The following ZNF772 variants were observed in gnomAD, a reference collection of about 807,000 sequenced individuals.
ZNF772 encodes the protein zinc finger protein 772.
Under a neutral mutation model 11.0 loss-of-function variants are expected in ZNF772, and 8 were observed. The observed-to-expected ratio is 0.73, with a 90% CI of 0.43 to 1.31. ZNF772 has a LOEUF of 1.31. ZNF772 is among the 50% of genes most tolerant of loss of function. The pLI is 0.01. For missense variants in ZNF772, 496 were observed against 552.3 expected, an observed-to-expected ratio of 0.90 and a Z score of 1.02; for synonymous variants, 155 against 180.4, an observed-to-expected ratio of 0.86 and a Z score of 1.13.
Position 57,473,299 on chromosome 19 carries a change from T to C in ZNF772, c.1322A>G (p.Lys441Arg). Residue 441 changes from lysine (K) to arginine (R), a missense_variant, in exon 4 of 4, where the codon AAA (lysine) becomes AGA (arginine). Physicochemically the swap from Lys to Arg is conservative, Grantham distance 26. Transcript: ENST00000356584. The stretch of plus-strand genomic sequence containing the variant: ...CTAAGGCCTTTCTCCAGTGTGAATT[T>C]TCCAGTGGCGGATGAGGGAAGCCCT... ...RQRASLIRHW[K>R]IHTGERP is the part of the protein sequence containing the mutation. 1 of 1,612,712 alleles carries C rather than the reference T, an allele frequency of 6.2e-7. No individual in the cohort carries two copies. The highest frequency in any genetic ancestry group is 1.1e-5 in the South Asian group (1 of 91,014).
In ZNF772 at chr19:57,471,881, T is replaced by A. The variant is rs1413488906; in HGVS notation, c.*1393A>T. 1 of 258,922 alleles carries A rather than the reference T, an allele frequency of 3.9e-6. No individual in the cohort carries two copies. Among genetic ancestry groups the A allele is most frequent in the Non-Finnish European group, 7.7e-6 (1 of 130,624 alleles). The allele number at this position is 258,922 out of a possible 1,614,324, so 16.0% of individuals were successfully genotyped here. A position where few individuals can be genotyped will look rare whatever the true frequency, so the allele number is the denominator to read the frequency against. On this transcript the variant is annotated 3_prime_UTR_variant, in exon 4 of 4. Transcript: ENST00000356584. ...TAGAATTCTAGGAAATACAAACAAA[T>A]CTACAGTGACAACGGATCAATAGTT... is the stretch of plus-strand genomic sequence containing the variant.
chr19:57,474,875 T>G (rs2089264179), intron 3 of ZNF772: 1 of 1,101,082 alleles, frequency 9.1e-7, no homozygotes. Flanking sequence ...AGGTGAGACA[T>G]GAAGGCAGAG....
Position 57,472,001 on chromosome 19 carries a change from G to C in ZNF772, c.*1273C>G, listed in dbSNP as rs561524399. The C allele has an allele frequency of 8.9e-6, 3 of 336,678 alleles. No individual in the cohort carries two copies. The highest frequency in any genetic ancestry group is 1.8e-5 in the Non-Finnish European group (3 of 170,940). The allele number at this position is 336,678 out of a possible 1,614,324, so 20.9% of individuals were successfully genotyped here. On this transcript the variant is annotated 3_prime_UTR_variant, in exon 4 of 4. Transcript: ENST00000356584. ...CAACATGTATCAAAACTTATCAAATGGTACACTATAAATATGTGCAGTTTA... is the reference window on the plus strand; with the variant it reads ...CAACATGTATCAAAACTTATCAAATCGTACACTATAAATATGTGCAGTTTA...
chr19:57,475,785 C>G lies in ZNF772; in HGVS notation c.74G>C (p.Gly25Ala). ...GAACACGTCCTCAAAGTTCACCTGC[C>G]CCTGCCACAATCAGGAGAGCCAAGT... is the stretch of plus-strand genomic sequence containing the variant. Reference protein sequence around the residue: ...NSEVIVDPIQGQVNFEDVFVY... With the variant: ...NSEVIVDPIQAQVNFEDVFVY... Residue 25 changes from glycine (G) to alanine (A), a missense_variant and splice_region_variant, in exon 3 of 4, where the codon GGG (glycine) becomes GCG (alanine). Gly to Ala is a moderately conservative substitution (Grantham distance 60). Transcript: ENST00000356584. The surrounding 1 kb of genome is among the most constrained non-coding windows in gnomAD (Gnocchi z 4.2). 6.3e-7 allele frequency: 1 copy of G among 1,596,150 alleles called. No individual in the cohort carries two copies. The highest frequency in any genetic ancestry group is 8.5e-7 in the Non-Finnish European group (1 of 1,171,364).
In ZNF772 at chr19:57,470,010, A is replaced by G. The variant is rs1168524402; in HGVS notation, c.*3264T>C. The G allele has an allele frequency of 6.6e-6, 1 of 152,232 alleles. No individual in the cohort carries two copies. Among genetic ancestry groups the G allele is most frequent in the Non-Finnish European group, 1.5e-5 (1 of 68,038 alleles). The allele number at this position is 152,232 out of a possible 1,614,324, so 9.4% of individuals were successfully genotyped here. Reference sequence around the variant, plus strand: ...CAAATATTTAGGAATTAAATAACATACATTTAAAAAGAGCCATGTGTCAAG... The same window carrying G: ...CAAATATTTAGGAATTAAATAACATGCATTTAAAAAGAGCCATGTGTCAAG... On this transcript the variant is annotated 3_prime_UTR_variant, in exon 4 of 4. Coordinates refer to ENST00000356584, the MANE Select transcript of ZNF772 (RefSeq NM_001144068.2).
intron 1 of ZNF772, among the ~76,000 whole-genome samples, chr19:57,477,042 A>C (rs1005580649): frequency 5.3e-5 from 8 of 152,222 alleles, no homozygotes; most frequent in Admixed American, 3.3e-4. Flanking sequence ...CAGACACTAA[A>C]GGCCCAGTTT....
In ZNF772 at chr19:57,475,661, C is replaced by G. The variant is rs766228603; in HGVS notation, c.198G>C (p.Leu66=). The G allele has an allele frequency of 6.2e-7, 1 of 1,613,862 alleles. No homozygotes were observed. Among genetic ancestry groups the G allele is most frequent in the Admixed American group, 1.7e-5 (1 of 60,012 alleles). ...CTGGGGTGGATGTGACGGCCTTACCCAGAGAGGCCATAAGTGCAAAGTTCT... is the reference window on the plus strand; with the variant it reads ...CTGGGGTGGATGTGACGGCCTTACCGAGAGAGGCCATAAGTGCAAAGTTCT... The part of the protein sequence containing the change: ...MLENFALMAS[L]GCWHGMEDEE... Residue 66 remains leucine, a splice_region_variant and synonymous_variant, in exon 3 of 4, where the codon CTG becomes CTC. Transcript: ENST00000356584. This position sits in a 1 kb window ranked among gnomAD's most constrained non-coding sequence, Gnocchi z 4.2.
chr19:57,476,414 T>A (rs989096281), intron 2 of ZNF772: 5 of 583,430 alleles, frequency 8.6e-6, no homozygotes, highest in Non-Finnish European at 1.2e-5. Flanking sequence ...TTCCTGTGCC[T>A]GGAACAACCT....
At position 57,473,489 on chromosome 19, in the gene ZNF772, A is replaced by T. The variant is rs767657384; in HGVS notation, c.1132T>A (p.Ser378Thr). The T allele has an allele frequency of 6.2e-7, 1 of 1,614,194 alleles. No individual in the cohort carries two copies. The highest frequency in any genetic ancestry group is 1.1e-5 in the South Asian group (1 of 91,078). Residue 378 changes from serine (S) to threonine (T), a missense_variant, in exon 4 of 4, where the codon TCT becomes ACT. Transcript: ENST00000356584. Reference protein sequence around the residue: ...IACGKFFSQSSDLIAHQRVHN... With the variant: ...IACGKFFSQSTDLIAHQRVHN... ...ACTCTTTGATGTGCAATAAGGTCAG[A>T]GCTTTGGCTAAAGAACTTCCCACAT...
In ZNF772 at chr19:57,473,678, C is replaced by T; in HGVS notation, c.943G>A (p.Gly315Arg). The change falls in exon 4 of 4, where the codon GGG becomes AGG. Residue 315 changes from glycine to arginine, a missense_variant. Gly to Arg is a moderately radical substitution (Grantham distance 125). Transcript: ENST00000356584. ...GARPYKCSEC[G>R]KAYSHKSTLV... The stretch of plus-strand genomic sequence containing the variant: ...GTAGATTTGTGACTATAGGCTTTCC[C>T]ACATTCACTGCACTTGTAAGGCCTT... The T allele has an allele frequency of 1.2e-6, 2 of 1,613,682 alleles. No individual in the cohort carries two copies. The highest frequency in any genetic ancestry group is 1.7e-6 in the Non-Finnish European group (2 of 1,179,878).
At position 57,473,570 on chromosome 19, in the gene ZNF772, T is replaced by G. The variant is rs1271137560; in HGVS notation, c.1051A>C (p.Arg351=). ...ECGKYFGHKY[R]LIKHWSVHTG... ...TGAACACTCCAATGTTTAATGAGTCTGTATTTGTGACCAAAGTATTTTCCA... is the reference window on the plus strand; with the variant it reads ...TGAACACTCCAATGTTTAATGAGTCGGTATTTGTGACCAAAGTATTTTCCA... The change falls in exon 4 of 4, where the codon AGA becomes CGA. Residue 351 remains arginine (R), a synonymous_variant. Transcript: ENST00000356584. 1 of 1,612,934 alleles carries G rather than the reference T, an allele frequency of 6.2e-7. No homozygotes were observed. Among genetic ancestry groups the G allele is most frequent in the East Asian group, 2.2e-5 (1 of 44,800 alleles).
At position 57,474,103 on chromosome 19, in the gene ZNF772, G is replaced by T. The variant is rs1568558466; in HGVS notation, c.518C>A (p.Ala173Asp). 1 of 1,614,154 alleles carries T rather than the reference G, an allele frequency of 6.2e-7. No individual in the cohort carries two copies. The highest frequency in any genetic ancestry group is 1.7e-5 in the Admixed American group (1 of 60,028). Residue 173 changes from alanine to aspartate, a missense_variant, in exon 4 of 4, where the codon GCT becomes GAT. Physicochemically the swap from Ala to Asp is moderately radical, Grantham distance 126. Coordinates refer to ENST00000356584, the MANE Select transcript of ZNF772 (RefSeq NM_001144068.2). Reference protein sequence around the residue: ...KSRPFLLNNCAVQSMEMSFVT... With the variant: ...KSRPFLLNNCDVQSMEMSFVT... ...AAAAGACATCTCCATTGATTGCACA[G>T]CACAGTTGTTCAGAAGAAAGGGCCT...
Position 57,477,354 on chromosome 19 carries a change from G to C in ZNF772, c.-45C>G. 1 of 1,611,324 alleles carries C rather than the reference G, an allele frequency of 6.2e-7. No individual in the cohort carries two copies. Among genetic ancestry groups the C allele is most frequent in the Non-Finnish European group, 8.5e-7 (1 of 1,178,768 alleles). ...AGGGTGGCGACAAGTGCAGGAACCT[G>C]GGATCAGCTGTCCAGGGCCCAGCCC... On this transcript the variant is annotated 5_prime_UTR_variant, in exon 1 of 4. Transcript: ENST00000356584.
Position 57,473,186 on chromosome 19 carries a change from G to T in ZNF772, c.*88C>A. Reference sequence around the variant, plus strand: ...TTGAGTGTATAAAGTTCTACTTCTGGCTGTCGGCTACACATAAAGGCTATG... The same window carrying T: ...TTGAGTGTATAAAGTTCTACTTCTGTCTGTCGGCTACACATAAAGGCTATG... On this transcript the variant is annotated 3_prime_UTR_variant, in exon 4 of 4. Coordinates refer to ENST00000356584, the MANE Select transcript of ZNF772 (RefSeq NM_001144068.2). 7.5e-7 allele frequency: 1 copy of T among 1,326,852 alleles called. No individual in the cohort carries two copies. Among genetic ancestry groups the T allele is most frequent in the Non-Finnish European group, 1.0e-6 (1 of 973,616 alleles). The allele number at this position is 1,326,852 out of a possible 1,614,324, so 82.2% of individuals were successfully genotyped here.
rs565505778 is a variant in ZNF772, at chr19:57,469,741, A to C, written c.*3533T>G. ...ATAATTGCTGGAACCAAAACCACAG[A>C]ATGTCAATAAAGATAGAAAAAACTT... On this transcript the variant is annotated 3_prime_UTR_variant, in exon 4 of 4. Coordinates refer to ENST00000356584, the MANE Select transcript of ZNF772 (RefSeq NM_001144068.2). 1.2e-3 allele frequency: 185 copies of C among 152,322 alleles called. 1 individual carries two copies. Among genetic ancestry groups the C allele is most frequent in the African/African-American group, 4.3e-3 (179 of 41,572 alleles). 9.4% of individuals were successfully genotyped at this position (152,322 alleles called of 1,614,324 possible).
intron 1 of ZNF772, among the ~76,000 whole-genome samples, 178 bp from the exon 2 acceptor site, chr19:57,476,850 C>T (rs574630870): frequency 3.0e-4 from 46 of 152,284 alleles, no homozygotes; most frequent in African/African-American, 1.0e-3. Context: ...GCTCATTATC[C>T]GCCCCCATGG....
chr19:57,472,457 C>T lies in ZNF772; in HGVS notation c.*817G>A, dbSNP rs2089226584. The T allele has an allele frequency of 7.8e-6, 2 of 257,300 alleles. No individual in the cohort carries two copies. The highest frequency in any genetic ancestry group is 1.5e-5 in the Non-Finnish European group (2 of 129,844). The allele number at this position is 257,300 out of a possible 1,614,324, so 15.9% of individuals were successfully genotyped here. On this transcript the variant is annotated 3_prime_UTR_variant, in exon 4 of 4. Coordinates refer to ENST00000356584, the MANE Select transcript of ZNF772 (RefSeq NM_001144068.2). ...ACCTCAATTACACAAAAAATCTTAA[C>T]ATATAGACCAAAAGATTAGGCCTAC...
Position 57,474,223 on chromosome 19 carries a change from C to T in ZNF772, c.398G>A (p.Cys133Tyr), listed in dbSNP as rs1303742202. Residue 133 changes from cysteine (C) to tyrosine (Y), a missense_variant, in exon 4 of 4, where the codon TGT becomes TAT. Transcript: ENST00000356584. ...GCAGAACTGTTTCCCACACAGCACA[C>T]ACATGTATGGTTTCTGCCCTGGGTG... is the stretch of plus-strand genomic sequence containing the variant. ...ETHPGQKPYMCVLCGKQFCFS... is the reference protein window; with the variant it reads ...ETHPGQKPYMYVLCGKQFCFS... 14 of 1,614,062 alleles carry T rather than the reference C, an allele frequency of 8.7e-6. No individual in the cohort carries two copies. Among genetic ancestry groups the T allele is most frequent in the African/African-American group, 1.3e-5 (1 of 74,922 alleles).
At chr19:57,477,153 C>A in intron 1 of ZNF772, 124 bp downstream of exon 1, 1 of 1,341,312 alleles carries the variant, frequency 7.5e-7, no homozygotes, top group Non-Finnish European at 1.0e-6. Context: ...GGGTCCCAAA[C>A]ACGAGCGCCC....
Sources: allele counts gnomAD v4.1 joint callset (sites outside exome capture counted in the v4.1 genomes callset), GRCh38; gene constraint gnomAD v4.1.1; non-coding constraint Gnocchi (gnomAD v3.1); transcripts MANE v1.5; gene names NCBI Gene and HGNC (gene_info 2026-07-23, HGNC 2026-07-21).